The following DPYSL4 variants were observed in gnomAD, a reference collection of about 807,000 sequenced individuals.
DPYSL4 encodes the protein dihydropyrimidinase-related protein 4.
Under a neutral mutation model 63.4 loss-of-function variants are expected in DPYSL4, and 43 were observed. The ratio of observed to expected loss-of-function variants is 0.68; its 90% CI spans 0.53 to 0.88. The LOEUF (loss-of-function observed/expected upper bound fraction) is 0.88. Among genes scored for constraint, DPYSL4 ranks in the 40% least tolerant of loss-of-function variants. The pLI, the probability that DPYSL4 is intolerant of heterozygous loss-of-function variation, is 0.00. For synonymous variants in DPYSL4, 353 were observed against 331.7 expected, an observed-to-expected ratio of 1.06 and a Z score of -0.70; for missense variants, 733 against 819.5, an observed-to-expected ratio of 0.89 and a Z score of 1.29.
intron 2 of DPYSL4, chr10:132,192,378 C>T (rs1262656210): frequency 8.3e-6 from 9 of 1,089,198 alleles, no homozygotes; most frequent in Non-Finnish European, 1.0e-5. Flanking sequence ...GCTGCTCCGT[C>T]CTCTAGTCAA....
chr10:132,191,341 G>A (rs1178592991), intron 2 of DPYSL4, among the ~76,000 whole-genome samples: 2 of 147,396 alleles, frequency 1.4e-5, no homozygotes, highest in Non-Finnish European at 3.0e-5. Context: ...GTGGTATCCA[G>A]GCAGTTGAAA....
At position 132,198,410 on chromosome 10, in the gene DPYSL4, T is replaced by C. The variant is rs1340989833; in HGVS notation, c.622-5T>C. On this transcript the variant is annotated splice_region_variant and splice_polypyrimidine_tract_variant and intron_variant, in intron 6 of 13. Coordinates refer to ENST00000338492, the MANE Select transcript of DPYSL4 (RefSeq NM_006426.3). ...TGGAGCGAGGCATCCTGTTGGTTTC[T>C]TTAGGAGCAGAAGCGGTTGCTGGAG... The C allele has an allele frequency of 1.9e-6, 3 of 1,604,714 alleles. No individual in the cohort carries two copies. Among genetic ancestry groups the C allele is most frequent in the Non-Finnish European group, 2.5e-6 (3 of 1,176,950 alleles).
chr10:132,200,487 G>C lies in DPYSL4; in HGVS notation c.943G>C (p.Asp315His). Residue 315 changes from aspartate to histidine, a missense_variant, in exon 9 of 14, where the codon GAC becomes CAC. Coordinates refer to ENST00000338492, the MANE Select transcript of DPYSL4 (RefSeq NM_006426.3). ...PPVNPDPTTA[D>H]HLTCLLSSGD... is the part of the protein sequence containing the mutation. ...TGTCAACCCAGACCCCACCACGGCG[G>C]ACCACCTCACCTGCTTGCTGTCCAG... The C allele has an allele frequency of 6.2e-7, 1 of 1,613,142 alleles. No individual in the cohort carries two copies. The highest frequency in any genetic ancestry group is 8.5e-7 in the Non-Finnish European group (1 of 1,179,890).
chr10:132,187,967 G>A (rs2061827589), intron 1 of DPYSL4, among the ~76,000 whole-genome samples: 1 of 152,166 alleles, frequency 6.6e-6, no homozygotes, highest in Non-Finnish European at 1.5e-5. Context: ...GAGGGCCGTG[G>A]GGTCTGACCT....
chr10:132,188,881 A>G (rs2061837177), intron 1 of DPYSL4, among the ~76,000 whole-genome samples: 1 of 152,132 alleles, frequency 6.6e-6, no homozygotes, highest in African/African-American at 2.4e-5. Context: ...GTATGAAGAG[A>G]GGTAGAGGGT....
chr10:132,203,824 G>T lies in DPYSL4; in HGVS notation c.1524G>T (p.Val508=). The change falls in exon 13 of 14, where the codon GTG becomes GTT. Residue 508 remains valine, a synonymous_variant. Transcript: ENST00000338492. The part of the protein sequence containing the change: ...LYDGPVHEVM[V]PAKPGSGAPA... ...ACGGGCCCGTCCACGAGGTGATGGT[G>T]CCTGCCAAGCCAGGGAGTGGCGCTC... 6.2e-7 allele frequency: 1 copy of T among 1,612,738 alleles called. No homozygotes were observed. The highest frequency in any genetic ancestry group is 8.5e-7 in the Non-Finnish European group (1 of 1,179,778).
At chr10:132,202,289 C>G (rs933661101) in intron 11 of DPYSL4, among the ~76,000 whole-genome samples, 173 bp downstream of exon 11, 2 of 152,250 alleles carry the variant, frequency 1.3e-5, no homozygotes, top group East Asian at 3.8e-4. Context: ...GGGCCCTGTC[C>G]ACGTCACCTC....
Position 132,187,860 on chromosome 10 carries a change from A to C in DPYSL4, c.39+758A>C, listed in dbSNP as rs190168141. Reference sequence around the variant, plus strand: ...AAAGCCTCCCCGCTCGGGCGGGGGGAGATGGGGGTGGGAGGAAGGAGGCTT... The same window carrying C: ...AAAGCCTCCCCGCTCGGGCGGGGGGCGATGGGGGTGGGAGGAAGGAGGCTT... On this transcript the variant is annotated intron_variant, in intron 1 of 13. Transcript: ENST00000338492. 5.6e-3 allele frequency among the ~76,000 whole-genome samples: 843 copies of C among 151,472 alleles called. 9 individuals carry two copies. The highest frequency in any genetic ancestry group is 0.02 in the African/African-American group (806 of 41,258).
At position 132,192,652 on chromosome 10, in the gene DPYSL4, T is replaced by C. The variant is rs1184804891; in HGVS notation, c.129-6T>C. The stretch of plus-strand genomic sequence containing the variant: ...CTGTAACCAGTGAAATCTCTGCTGC[T>C]TTCAGACAAATCGGAGAAAACCTCA... On this transcript the variant is annotated splice_region_variant and splice_polypyrimidine_tract_variant and intron_variant, in intron 2 of 13. Coordinates refer to ENST00000338492, the MANE Select transcript of DPYSL4 (RefSeq NM_006426.3). The C allele has an allele frequency of 1.3e-6, 2 of 1,597,792 alleles. No homozygotes were observed. The highest frequency in any genetic ancestry group is 2.7e-5 in the African/African-American group (2 of 74,484).
At position 132,186,972 on chromosome 10, in the gene DPYSL4, C is replaced by A. The variant is rs2061798182; in HGVS notation, c.-92C>A. On this transcript the variant is annotated 5_prime_UTR_variant, in exon 1 of 14. Transcript: ENST00000338492. ...CGCAGTCTGTCTCCCGCCGTCCCCA[C>A]GCACGCGTCCCGGCTCACGCGTCCC... is the stretch of plus-strand genomic sequence containing the variant. The A allele has an allele frequency of 3.3e-6, 2 of 604,016 alleles. No homozygotes were observed. Among genetic ancestry groups the A allele is most frequent in the South Asian group, 5.0e-5 (2 of 39,706 alleles). The allele number at this position is 604,016 out of a possible 1,614,324, so 37.4% of individuals were successfully genotyped here. A position where few individuals can be genotyped will look rare whatever the true frequency, so the allele number is the denominator to read the frequency against.
chr10:132,195,212 G>A (rs981728183), intron 4 of DPYSL4, among the ~76,000 whole-genome samples: 43 of 152,134 alleles, frequency 2.8e-4, no homozygotes, highest in African/African-American at 1.0e-3. Context: ...CCAATCCGAG[G>A]GACCCATCCT....
Position 132,193,480 on chromosome 10 carries a change from G to A in DPYSL4, c.313+638G>A, listed in dbSNP as rs1048819691. Among the ~76,000 whole-genome samples the A allele has an allele frequency of 2.0e-5, 3 of 152,188 alleles. No homozygotes were observed. In the East Asian group the frequency reaches 5.8e-4, roughly 29 times the overall value. On this transcript the variant is annotated intron_variant, in intron 3 of 13. Coordinates refer to ENST00000338492, the MANE Select transcript of DPYSL4 (RefSeq NM_006426.3). The stretch of plus-strand genomic sequence containing the variant: ...GCCTAGTTTAACAGGTGGGTGAGTG[G>A]AGTCCGCCTGCCCACCACGAGCACG...
chr10:132,187,839 C>T (rs1441166629), intron 1 of DPYSL4, among the ~76,000 whole-genome samples: 1 of 152,206 alleles, frequency 6.6e-6, no homozygotes, highest in Non-Finnish European at 1.5e-5. Context: ...AGAAACAAAG[C>T]CTCCCCGCTC....
chr10:132,187,370 G>GCCTGGCCCT, intron 1 of DPYSL4, among the ~76,000 whole-genome samples: 1 of 9,734 alleles, frequency 1.0e-4, no homozygotes, highest in South Asian at 2.9e-3. Flanking sequence ...GGCCCTGCCG[G>GCCTGGCCCT]GCCCTGCCCG....
At chr10:132,194,814 G>A in intron 3 of DPYSL4, 31 bp from the exon 4 acceptor site, 2 of 1,603,848 alleles carry the variant, frequency 1.2e-6, no homozygotes, top group South Asian at 1.1e-5. Context: ...GGGACCAGTG[G>A]GGGAAGCTGC....
intron 13 of DPYSL4, 104 bp from the exon 14 acceptor site, chr10:132,204,735 G>C: frequency 8.7e-6 from 9 of 1,031,936 alleles, no homozygotes; most frequent in Non-Finnish European, 1.3e-5. Context: ...GGGCTCTGCA[G>C]TCCTGGCCCC....
chr10:132,202,149 C>T, intron 11 of DPYSL4, 33 bp downstream of exon 11: 1 of 1,598,618 alleles, frequency 6.3e-7, no homozygotes, highest in Non-Finnish European at 8.5e-7. Flanking sequence ...CAGGGTTGGC[C>T]TTTGTGGGGC....
intron 3 of DPYSL4, 149 bp from the exon 4 acceptor site, chr10:132,194,696 T>C: frequency 1.0e-6 from 1 of 983,828 alleles, no homozygotes; most frequent in South Asian, 1.6e-5. Flanking sequence ...GGCAGCGTCA[T>C]CCTCTCTCAG....
At chr10:132,193,569 G>C (rs1318771800) in intron 3 of DPYSL4, among the ~76,000 whole-genome samples, 1 of 152,258 alleles carries the variant, frequency 6.6e-6, no homozygotes, top group African/African-American at 2.4e-5. Flanking sequence ...GTGTGGCCTT[G>C]GGTGCCATTC....
Sources: gnomAD v4.1 joint callset for allele counts (sites outside exome capture counted in the v4.1 genomes callset) on GRCh38, gnomAD v4.1.1 for gene constraint, MANE v1.5 for transcripts, NCBI Gene and HGNC (gene_info 2026-07-23, HGNC 2026-07-21) for gene names.